Variants in FANK1 observed in about 807,000 individuals in gnomAD.
FANK1 encodes the protein fibronectin type 3 and ankyrin repeat domains protein 1.
Under a neutral mutation model 45.3 loss-of-function variants are expected in FANK1, and 44 were observed. That is an observed-to-expected ratio of 0.97 (90% CI 0.76 to 1.25). The LOEUF is 1.25. FANK1 is among the 50% of genes most tolerant of loss of function. The pLI is 0.00. For synonymous variants in FANK1, 149 were observed against 152.5 expected, an observed-to-expected ratio of 0.98 and a Z score of 0.17; for missense variants, 391 against 424.4, an observed-to-expected ratio of 0.92 and a Z score of 0.69.
At chr10:125,965,414 AATATAT>A (rs1382535181) in intron 1 of FANK1, among the ~76,000 whole-genome samples, 1 of 152,214 alleles carries the variant, frequency 6.6e-6, no homozygotes, top group African/African-American at 2.4e-5. Flanking sequence ...GTGTCTAAAG[AATATAT>A]ATATAACAAT....
At chr10:125,989,587 G>A (rs541769439) in intron 3 of FANK1, 64 of 686,612 alleles carry the variant, frequency 9.3e-5, no homozygotes, top group Admixed American at 4.5e-4. Flanking sequence ...CTGGCATGAG[G>A]GGACAGGATC....
At chr10:125,974,630 C>T (rs1401249444) in intron 1 of FANK1, among the ~76,000 whole-genome samples, 1 of 152,174 alleles carries the variant, frequency 6.6e-6, no homozygotes, top group Non-Finnish European at 1.5e-5. Context: ...TTTTTCTTTG[C>T]ACCTTGATTT....
At chr10:126,009,326 C>A (rs377174003) in intron 10 of FANK1, 47 bp from the exon 11 acceptor site, 1 of 1,613,982 alleles carries the variant, frequency 6.2e-7, no homozygotes, top group South Asian at 1.1e-5. Context: ...CTCAGAAAAA[C>A]CACCAAAACC....
chr10:125,902,717 G>A (rs1206191770), intron 1 of FANK1, among the ~76,000 whole-genome samples: 1 of 152,052 alleles, frequency 6.6e-6, no homozygotes, highest in Non-Finnish European at 1.5e-5. Context: ...TGGACCAAGC[G>A]GCCACGAGGT....
chr10:126,005,044 T>TG lies in FANK1; in HGVS notation c.701dup (p.Cys234TrpfsTer2). The TG allele has an allele frequency of 6.2e-7, 1 of 1,613,358 alleles. No individual in the cohort carries two copies. ...GATTGAGTGGATGATAAAGGATGGCTGTGAGGTACGGGACCTGCCTTGTTA... is the reference window on the plus strand; with the variant it reads ...GATTGAGTGGATGATAAAGGATGGCTGGTGAGGTACGGGACCTGCCTTGTTA... On this transcript the variant is annotated frameshift_variant, in exon 7 of 11. Transcript: ENST00000368693. LOFTEE classifies it high-confidence loss of function.
intron 1 of FANK1, among the ~76,000 whole-genome samples, chr10:125,947,696 A>G (rs1948910706): frequency 6.7e-6 from 1 of 148,544 alleles, no homozygotes; most frequent in African/African-American, 2.5e-5. Context: ...TCAACATTAG[A>G]CAGATCAACG....
At chr10:125,953,880 G>A (rs747834874) in intron 1 of FANK1, among the ~76,000 whole-genome samples, 1 of 152,204 alleles carries the variant, frequency 6.6e-6, no homozygotes, top group Non-Finnish European at 1.5e-5. Flanking sequence ...GCTGCTGTGA[G>A]TCTTGGATGA....
At chr10:125,996,940 A>G (rs1952376230) in intron 5 of FANK1, among the ~76,000 whole-genome samples, 2 of 151,950 alleles carry the variant, frequency 1.3e-5, no homozygotes, top group African/African-American at 4.8e-5. Flanking sequence ...AGAGAGAGGG[A>G]TATTCTGGAA....
chr10:125,932,073 A>G (rs1947790198), intron 1 of FANK1, among the ~76,000 whole-genome samples: 1 of 152,120 alleles, frequency 6.6e-6, no homozygotes, highest in Admixed American at 6.5e-5. Context: ...CTGTTTTTAT[A>G]CCAGTACCAT....
intron 1 of FANK1, among the ~76,000 whole-genome samples, chr10:125,971,854 CTT>C (rs1481386746): frequency 6.6e-6 from 1 of 152,138 alleles, no homozygotes; most frequent in African/African-American, 2.4e-5. Flanking sequence ...GATCTCGTGA[CTT>C]TGTGATTCGT....
At chr10:125,905,639 G>A (rs77945566) in intron 1 of FANK1, among the ~76,000 whole-genome samples, 2 of 152,350 alleles carry the variant, frequency 1.3e-5, no homozygotes, top group Non-Finnish European at 2.9e-5. Context: ...GGACAGTGAG[G>A]CCATGTCTAA....
intron 1 of FANK1, among the ~76,000 whole-genome samples, chr10:125,969,233 A>G (rs1590091586): frequency 6.6e-6 from 1 of 152,222 alleles, no homozygotes; most frequent in East Asian, 1.9e-4. Flanking sequence ...TTTTTAGAAA[A>G]CAAACTCTTT....
At chr10:125,914,925 C>T (rs1057150795) in intron 1 of FANK1, among the ~76,000 whole-genome samples, 3 of 152,258 alleles carry the variant, frequency 2.0e-5, no homozygotes, top group Non-Finnish European at 2.9e-5. Context: ...AGGGAGGCCC[C>T]ATCTGATCTG....
At chr10:125,931,655 G>C (rs917178509) in intron 1 of FANK1, among the ~76,000 whole-genome samples, 3 of 151,716 alleles carry the variant, frequency 2.0e-5, no homozygotes, top group Non-Finnish European at 4.4e-5. Context: ...CCCACTCTGT[G>C]GGTTGTCTAT....
At chr10:125,898,661 G>A (rs1345240869) in intron 1 of FANK1, among the ~76,000 whole-genome samples, 1 of 152,074 alleles carries the variant, frequency 6.6e-6, no homozygotes, top group Admixed American at 6.6e-5. Flanking sequence ...GAGGAGAAAT[G>A]AGATAAGGCT....
intron 1 of FANK1, among the ~76,000 whole-genome samples, chr10:125,954,373 CTT>C (rs1429807505): frequency 6.6e-6 from 1 of 152,180 alleles, no homozygotes; most frequent in African/African-American, 2.4e-5. Context: ...AGAGGAACTT[CTT>C]TTGTATCTAA....
chr10:125,909,067 T>C (rs547068534), intron 1 of FANK1, among the ~76,000 whole-genome samples: 1 of 152,390 alleles, frequency 6.6e-6, no homozygotes, highest in East Asian at 1.9e-4. Flanking sequence ...AGCAAGTCAA[T>C]GCTGTCTGTT....
rs562240410 is a variant in FANK1, at chr10:125,934,723, C to T, written c.13+38068C>T. The stretch of plus-strand genomic sequence containing the variant: ...CAGTTCCCACCACCTGTACCCCTAC[C>T]GTTTTTTTTTTTTTTTTTTTTTTTT... On this transcript the variant is annotated intron_variant, in intron 1 of 10. Transcript: ENST00000368693. Among the ~76,000 whole-genome samples the T allele has an allele frequency of 9.4e-3, 1,116 of 118,406 alleles. 14 individuals carry two copies. Among genetic ancestry groups the T allele is most frequent in the African/African-American group, 0.035 (1,057 of 30,084 alleles). 77.7% of individuals were successfully genotyped at this position (118,406 alleles called of 152,430 possible).
chr10:125,999,610 A>G (rs1283124416), intron 6 of FANK1, among the ~76,000 whole-genome samples: 4 of 152,160 alleles, frequency 2.6e-5, no homozygotes, highest in Non-Finnish European at 5.9e-5. Flanking sequence ...CCTTTCCAAA[A>G]TTAGTAGTGA....
Sources: allele counts gnomAD v4.1 joint callset (sites outside exome capture counted in the v4.1 genomes callset), GRCh38; gene constraint gnomAD v4.1.1; transcripts MANE v1.5; gene names NCBI Gene and HGNC (gene_info 2026-07-23, HGNC 2026-07-21).